Variants in KIAA1328 observed in about 807,000 individuals in gnomAD.
KIAA1328 encodes the protein KIAA1328.
KIAA1328 carries 52 observed loss-of-function variants against 68.1 expected under a neutral mutation model. That is an observed-to-expected ratio of 0.76 (90% CI 0.61 to 0.96). The LOEUF (loss-of-function observed/expected upper bound fraction) is 0.96. Ranked by LOEUF, KIAA1328 falls within the 40% of genes least tolerant of loss-of-function variation. The pLI is 0.00. For synonymous variants in KIAA1328, 232 were observed against 239.4 expected (o/e 0.97, Z 0.28); for missense variants, 641 against 677.6 (o/e 0.95, Z 0.60).
At chr18:36,999,674 C>G (rs957592954) in intron 6 of KIAA1328, among the ~76,000 whole-genome samples, 7 of 152,150 alleles carry the variant, frequency 4.6e-5, no homozygotes, top group Admixed American at 4.6e-4. Context: ...CTGTATCCAG[C>G]AAAATTAGTC....
intron 4 of KIAA1328, among the ~76,000 whole-genome samples, chr18:36,875,535 C>A (rs1016739520): frequency 1.3e-5 from 2 of 152,142 alleles, no homozygotes; most frequent in Non-Finnish European, 2.9e-5. Flanking sequence ...AGACTTTGCT[C>A]AAGTTGCTTA....
chr18:37,059,941 A>G (rs2056079985), intron 6 of KIAA1328, among the ~76,000 whole-genome samples: 2 of 151,982 alleles, frequency 1.3e-5, no homozygotes, highest in South Asian at 2.1e-4. Context: ...ACACAGGAAC[A>G]GAAAACCAAA....
At chr18:36,895,103 A>G (rs1568134229) in intron 5 of KIAA1328, among the ~76,000 whole-genome samples, 1 of 152,096 alleles carries the variant, frequency 6.6e-6, no homozygotes. Context: ...TCCCCAGTAC[A>G]TTTTTAAAAA....
chr18:36,952,179 G>T (rs1341161090), intron 5 of KIAA1328, among the ~76,000 whole-genome samples: 3 of 152,084 alleles, frequency 2.0e-5, no homozygotes, highest in Non-Finnish European at 4.4e-5. Flanking sequence ...TCAGCCAGGG[G>T]TACTGCACAG....
intron 6 of KIAA1328, among the ~76,000 whole-genome samples, chr18:36,982,817 T>C (rs544189519): frequency 6.2e-4 from 94 of 151,932 alleles, no homozygotes; most frequent in Non-Finnish European, 1.1e-3. Flanking sequence ...TTAACAAATA[T>C]ATATAAGTAA....
chr18:37,091,145 A>G (rs1288510882), intron 7 of KIAA1328, among the ~76,000 whole-genome samples: 1 of 152,224 alleles, frequency 6.6e-6, no homozygotes. Context: ...AGAATAGTTC[A>G]AAATGAATAC....
chr18:37,040,075 T>G (rs2055186744), intron 6 of KIAA1328, among the ~76,000 whole-genome samples: 2 of 152,162 alleles, frequency 1.3e-5, no homozygotes, highest in Non-Finnish European at 2.9e-5. Flanking sequence ...GTCAAATCCT[T>G]CTTATGCTTC....
chr18:37,052,051 A>G (rs2055717860), intron 6 of KIAA1328, among the ~76,000 whole-genome samples: 1 of 152,142 alleles, frequency 6.6e-6, no homozygotes, highest in African/African-American at 2.4e-5. Context: ...CAAAAAAAAA[A>G]AAACTACAGG....
At chr18:37,175,312 G>A (rs2059578707) in intron 9 of KIAA1328, among the ~76,000 whole-genome samples, 1 of 152,134 alleles carries the variant, frequency 6.6e-6, no homozygotes, top group South Asian at 2.1e-4. Flanking sequence ...GCCCCAGTAA[G>A]AGTTTTATAA....
At chr18:36,874,946 A>G (rs1022309360) in intron 4 of KIAA1328, among the ~76,000 whole-genome samples, 1 of 152,098 alleles carries the variant, frequency 6.6e-6, no homozygotes, top group Non-Finnish European at 1.5e-5. Flanking sequence ...TCCTTTCCCC[A>G]TTGCTTGTTT....
At chr18:37,002,193 C>T (rs1302292929) in intron 6 of KIAA1328, among the ~76,000 whole-genome samples, 1 of 149,976 alleles carries the variant, frequency 6.7e-6, no homozygotes, top group African/African-American at 2.4e-5. Context: ...ACAGAAACCA[C>T]TAGCATTTCT....
At chr18:36,920,156 A>T (rs2049862367) in intron 5 of KIAA1328, among the ~76,000 whole-genome samples, 1 of 152,086 alleles carries the variant, frequency 6.6e-6, no homozygotes, top group African/African-American at 2.4e-5. Flanking sequence ...GGTATTTCCT[A>T]GGTTTTTATC....
Position 36,994,563 on chromosome 18 carries a change from T to A in KIAA1328, c.576+35128T>A, listed in dbSNP as rs150931908. On this transcript the variant is annotated intron_variant, in intron 6 of 9. Coordinates refer to ENST00000280020, the MANE Select transcript of KIAA1328 (RefSeq NM_020776.3). ...GAAGTGAAAACTTAAGCACTGTAGT[T>A]TGCATAGCTAAAGTGGCAGAGCATA... is the stretch of plus-strand genomic sequence containing the variant. Among the ~76,000 whole-genome samples, 24 of 152,300 alleles carry A rather than the reference T, an allele frequency of 1.6e-4. No individual in the cohort carries two copies. In the East Asian group the frequency reaches 4.6e-3, roughly 29 times the overall value.
intron 5 of KIAA1328, among the ~76,000 whole-genome samples, chr18:36,887,929 A>G (rs541189821): frequency 3.3e-5 from 5 of 152,170 alleles, no homozygotes; most frequent in Admixed American, 6.5e-5. Flanking sequence ...CCTGGGCACA[A>G]TTAGAGTGGG....
At chr18:36,831,147 C>T (rs1022337561) in intron 1 of KIAA1328, among the ~76,000 whole-genome samples, 1 of 152,032 alleles carries the variant, frequency 6.6e-6, no homozygotes, top group Non-Finnish European at 1.5e-5. Context: ...AGAAAAAGAC[C>T]AAAAAGTAAG....
chr18:36,962,500 C>G (rs2051725081), intron 6 of KIAA1328, among the ~76,000 whole-genome samples: 1 of 152,168 alleles, frequency 6.6e-6, no homozygotes, highest in East Asian at 1.9e-4. Flanking sequence ...CTCTCTACCC[C>G]AAATCAACAG....
intron 6 of KIAA1328, among the ~76,000 whole-genome samples, chr18:36,988,033 T>C (rs759087589): frequency 5.3e-5 from 8 of 152,108 alleles, no homozygotes; most frequent in African/African-American, 9.7e-5. Context: ...TCCTAACAAA[T>C]TGTATATTCC....
chr18:37,136,973 T>C (rs1056532898), intron 7 of KIAA1328, among the ~76,000 whole-genome samples: 1 of 152,230 alleles, frequency 6.6e-6, no homozygotes. Flanking sequence ...TCCTCTTTTT[T>C]CTTAACTTTC....
intron 7 of KIAA1328, among the ~76,000 whole-genome samples, chr18:37,103,001 A>T (rs1391260889): frequency 6.6e-6 from 1 of 152,188 alleles, no homozygotes; most frequent in Non-Finnish European, 1.5e-5. Flanking sequence ...GACCTCAACG[A>T]GGAAAGTACC....
Sources: allele counts gnomAD v4.1 joint callset (sites outside exome capture counted in the v4.1 genomes callset), GRCh38; gene constraint gnomAD v4.1.1; transcripts MANE v1.5; gene names NCBI Gene and HGNC (gene_info 2026-07-23, HGNC 2026-07-21).